CHCHD3: variants seen among roughly 807,000 people sequenced by gnomAD.
CHCHD3 encodes the protein MICOS complex subunit MIC19.
CHCHD3 carries 20 observed loss-of-function variants against 38.2 expected under a neutral mutation model. The ratio of observed to expected loss-of-function variants is 0.52; its 90% CI spans 0.37 to 0.76. The LOEUF is 0.76. Among genes scored for constraint, CHCHD3 ranks in the 30% least tolerant of loss-of-function variants. The probability of loss-of-function intolerance (pLI) is 0.00; values close to 1 mark genes in which losing one functional copy is unlikely to be tolerated. For synonymous variants in CHCHD3, 82 were observed against 100.0 expected (o/e 0.82, Z 1.07); for missense variants, 245 against 279.2 (o/e 0.88, Z 0.87).
chr7:132,791,454 A>G (rs1384599935), intron 7 of CHCHD3, among the ~76,000 whole-genome samples: 5 of 152,230 alleles, frequency 3.3e-5, no homozygotes, highest in South Asian at 2.1e-4. Context: ...CCAACAGCCT[A>G]TAAGTCTATT....
At chr7:132,959,113 G>A (rs1457984935) in intron 4 of CHCHD3, among the ~76,000 whole-genome samples, 1 of 152,188 alleles carries the variant, frequency 6.6e-6, no homozygotes, top group African/African-American at 2.4e-5. Flanking sequence ...CCAAATGAGT[G>A]AAAAGTCTAT....
At chr7:132,944,448 C>G (rs964665949) in intron 4 of CHCHD3, among the ~76,000 whole-genome samples, 19 of 148,818 alleles carry the variant, frequency 1.3e-4, no homozygotes, top group African/African-American at 4.4e-4. Context: ...GAAAACACCA[C>G]AAATATCCAA....
intron 2 of CHCHD3, among the ~76,000 whole-genome samples, chr7:133,056,774 T>C (rs773752055): frequency 1.3e-5 from 2 of 152,188 alleles, no homozygotes; most frequent in South Asian, 2.1e-4. Context: ...ACCTGCTATA[T>C]TTCACTCAGC....
At position 132,973,789 on chromosome 7, in the gene CHCHD3, T is replaced by C. The variant is rs574401287; in HGVS notation, c.369+1380A>G. Reference sequence around the variant, plus strand: ...AATGGGAGAGACTAGAAATGAGCCTTCTTCTTAGAAAGTTTTAGTGTTTCC... The same window carrying C: ...AATGGGAGAGACTAGAAATGAGCCTCCTTCTTAGAAAGTTTTAGTGTTTCC... On this transcript the variant is annotated intron_variant, in intron 4 of 7. Transcript: ENST00000262570. 20 of 1,088,310 alleles carry C rather than the reference T, an allele frequency of 1.8e-5. No homozygotes were observed. The African/African-American group carries it at 3.2e-4, about 17-fold the overall frequency. The allele number at this position is 1,088,310 out of a possible 1,614,324, so 67.4% of individuals were successfully genotyped here.
chr7:132,891,344 A>G (rs955922543), intron 4 of CHCHD3, among the ~76,000 whole-genome samples: 1 of 152,210 alleles, frequency 6.6e-6, no homozygotes, highest in Non-Finnish European at 1.5e-5. Context: ...TTCAATGACT[A>G]TTTGGAGGCA....
intron 5 of CHCHD3, among the ~76,000 whole-genome samples, chr7:132,859,726 C>T (rs567290512): frequency 6.6e-6 from 1 of 152,198 alleles, no homozygotes; most frequent in Non-Finnish European, 1.5e-5. Flanking sequence ...AGGAATTCCA[C>T]TGGACTCTTG....
chr7:132,905,269 T>C lies in CHCHD3; in HGVS notation c.370-19524A>G, dbSNP rs568895789. 1.6e-3 allele frequency among the ~76,000 whole-genome samples: 250 copies of C among 151,894 alleles called. 1 individual carries two copies. The highest frequency in any genetic ancestry group is 6.7e-3 in the South Asian group (32 of 4,780). ...TAATAATACTAATTTAAAAAAGCCA[T>C]AAAAAGGAATGAGATCATGTCCTTT... is the stretch of plus-strand genomic sequence containing the variant. On this transcript the variant is annotated intron_variant, in intron 4 of 7. Coordinates refer to ENST00000262570, the MANE Select transcript of CHCHD3 (RefSeq NM_017812.4).
At position 132,950,744 on chromosome 7, in the gene CHCHD3, G is replaced by A. The variant is rs149564479; in HGVS notation, c.369+24425C>T. The stretch of plus-strand genomic sequence containing the variant: ...TAGCACATTAAATGCTGTGAATTAT[G>A]TTATACTCCATAGTAGGTTGCTATG... On this transcript the variant is annotated intron_variant, in intron 4 of 7. Transcript: ENST00000262570. Among the ~76,000 whole-genome samples, 231 of 152,218 alleles carry A rather than the reference G, an allele frequency of 1.5e-3. 1 individual carries two copies. The highest frequency in any genetic ancestry group is 5.3e-3 in the African/African-American group (222 of 41,542).
intron 4 of CHCHD3, among the ~76,000 whole-genome samples, chr7:132,908,487 G>A (rs1809852703): frequency 1.3e-5 from 2 of 152,130 alleles, no homozygotes; most frequent in Non-Finnish European, 2.9e-5. Context: ...ATGAGTCAAA[G>A]TAACCTGCAC....
At position 132,821,747 on chromosome 7, in the gene CHCHD3, C is replaced by CTTTTTT. The variant is rs71178063; in HGVS notation, c.524+16646_524+16651dup. ...GTGGCCAAAAGCTTAGCACTCAAAT[C>CTTTTTT]TTTTTTTTTTTTTTTTTTTTTTTTT... On this transcript the variant is annotated intron_variant, in intron 6 of 7. Transcript: ENST00000262570. Among the ~76,000 whole-genome samples the CTTTTTT allele has an allele frequency of 1.2e-4, 12 of 100,288 alleles. 1 individual carries two copies. Among genetic ancestry groups the CTTTTTT allele is most frequent in the East Asian group, 5.5e-4 (2 of 3,616 alleles). 65.8% of individuals were successfully genotyped at this position (100,288 alleles called of 152,430 possible).
intron 4 of CHCHD3, among the ~76,000 whole-genome samples, chr7:132,907,302 T>A (rs982071365): frequency 6.6e-6 from 1 of 152,204 alleles, no homozygotes; most frequent in Non-Finnish European, 1.5e-5. Context: ...TGTCTACAGA[T>A]GCCACGTTTT....
At chr7:133,006,317 T>G (rs1020061363) in intron 3 of CHCHD3, among the ~76,000 whole-genome samples, 13 of 151,764 alleles carry the variant, frequency 8.6e-5, no homozygotes, top group African/African-American at 2.9e-4. Flanking sequence ...AATACAAAAA[T>G]TAGCCAGGCA....
At chr7:132,858,567 A>G (rs1215921302) in intron 5 of CHCHD3, among the ~76,000 whole-genome samples, 1 of 152,196 alleles carries the variant, frequency 6.6e-6, no homozygotes, top group Non-Finnish European at 1.5e-5. Flanking sequence ...TTTAGCCCTC[A>G]GTTCAACAAA....
intron 3 of CHCHD3, among the ~76,000 whole-genome samples, chr7:132,986,160 A>C (rs1812113672): frequency 6.7e-6 from 1 of 150,364 alleles, no homozygotes; most frequent in Non-Finnish European, 1.5e-5. Flanking sequence ...TGAATGGATT[A>C]AGGGTGGTGC....
At chr7:132,961,717 C>A (rs1318834435) in intron 4 of CHCHD3, among the ~76,000 whole-genome samples, 1 of 152,184 alleles carries the variant, frequency 6.6e-6, no homozygotes, top group Non-Finnish European at 1.5e-5. Flanking sequence ...GCTGTACCTT[C>A]GATCCACAGA....
At chr7:133,021,058 T>C (rs1034122750) in intron 3 of CHCHD3, among the ~76,000 whole-genome samples, 1 of 152,110 alleles carries the variant, frequency 6.6e-6, no homozygotes, top group East Asian at 1.9e-4. Flanking sequence ...CCAATAACAT[T>C]TGACAAATTT....
At chr7:132,950,163 T>C (rs1027483394) in intron 4 of CHCHD3, among the ~76,000 whole-genome samples, 3 of 152,148 alleles carry the variant, frequency 2.0e-5, no homozygotes, top group Admixed American at 6.6e-5. Context: ...AAGAGGTCAT[T>C]TGGCTTTTTT....
At chr7:133,062,205 T>C (rs113461845) in intron 2 of CHCHD3, among the ~76,000 whole-genome samples, 1,650 of 152,094 alleles carry the variant, frequency 0.011, 27 homozygotes, top group African/African-American at 0.038. Flanking sequence ...CTGCTTGCAA[T>C]AGGAAAATGT....
intron 5 of CHCHD3, among the ~76,000 whole-genome samples, chr7:132,858,415 T>A (rs945513964): frequency 1.3e-5 from 2 of 152,182 alleles, no homozygotes. Flanking sequence ...ACTTTTATTA[T>A]ATACCTTTCG....
Sources: gnomAD v4.1 joint callset for allele counts (sites outside exome capture counted in the v4.1 genomes callset) on GRCh38, gnomAD v4.1.1 for gene constraint, MANE v1.5 for transcripts, NCBI Gene and HGNC (gene_info 2026-07-23, HGNC 2026-07-21) for gene names.